The following AFG2B variants were observed in gnomAD, a reference collection of about 807,000 sequenced individuals.
The protein encoded by AFG2B is AAA ATPase AFG2B.
At chr15:45,414,719 C>T in the AFG2B span, 1 of 1,614,148 alleles carries the variant, frequency 6.2e-7, no homozygotes, top group Non-Finnish European at 8.5e-7. Context: ...TCTTTCGTTT[C>T]AGTGAGTGGA....
chr15:45,421,197 T>C, the AFG2B span: 1 of 1,600,962 alleles, frequency 6.2e-7, no homozygotes, highest in Non-Finnish European at 8.5e-7. Flanking sequence ...TTTTCTAACG[T>C]GGAAGGTATT....
the AFG2B span, chr15:45,402,439 G>C: frequency 4.4e-6 from 7 of 1,603,066 alleles, no homozygotes; most frequent in Non-Finnish European, 6.0e-6. Flanking sequence ...GATGGCTCCG[G>C]ACTCGGATCC....
the AFG2B span, among the ~76,000 whole-genome samples, chr15:45,404,535 G>C: frequency 2.0e-5 from 3 of 152,080 alleles, no homozygotes; most frequent in Non-Finnish European, 2.9e-5. Flanking sequence ...GGCCGGGCGC[G>C]GTGGCTCACG....
the AFG2B span, chr15:45,407,289 C>G: frequency 3.5e-6 from 4 of 1,142,760 alleles, no homozygotes; most frequent in African/African-American, 4.9e-5. Context: ...CTCCCTGTAC[C>G]AGGGCAGATA....
chr15:45,402,540 C>G, the AFG2B span: 1 of 1,593,858 alleles, frequency 6.3e-7, no homozygotes, highest in Non-Finnish European at 8.5e-7. Flanking sequence ...CCGCCCTCCA[C>G]GCCCTGGGCG....
the AFG2B span, chr15:45,407,296 G>A: frequency 9.1e-7 from 1 of 1,096,154 alleles, no homozygotes. Flanking sequence ...TACCAGGGCA[G>A]ATAAGGGATA....
the AFG2B span, chr15:45,417,483 C>G: frequency 6.9e-7 from 1 of 1,453,460 alleles, no homozygotes; most frequent in Non-Finnish European, 9.3e-7. Flanking sequence ...GTTCTACTTA[C>G]CCTGGGTTCC....
At chr15:45,402,586 G>A in the AFG2B span, 76 of 1,571,204 alleles carry the variant, frequency 4.8e-5, no homozygotes, top group Non-Finnish European at 6.2e-5. Context: ...CTCGCTACCC[G>A]ACGGCGGCTC....
the AFG2B span, chr15:45,415,506 A>G: frequency 7.6e-7 from 1 of 1,315,506 alleles, no homozygotes. Flanking sequence ...AAAAAAAAAA[A>G]AAAAAACAGG....
the AFG2B span, chr15:45,405,589 C>A: frequency 1.5e-6 from 2 of 1,340,804 alleles, no homozygotes; most frequent in East Asian, 2.4e-5. Flanking sequence ...GCGGTGAGTA[C>A]ATTTTCCTTA....
the AFG2B span, chr15:45,410,660 A>G: frequency 2.0e-5 from 17 of 863,204 alleles, no homozygotes; most frequent in African/African-American, 1.9e-4. Context: ...TCTAAATCCA[A>G]TGATTGCTTT....
At chr15:45,410,196 G>A in the AFG2B span, among the ~76,000 whole-genome samples, 1 of 152,146 alleles carries the variant, frequency 6.6e-6, no homozygotes, top group Admixed American at 6.5e-5. Flanking sequence ...AAGAATTACT[G>A]GCAGGAATTG....
chr15:45,412,857 CA>C, the AFG2B span, among the ~76,000 whole-genome samples: 1 of 152,296 alleles, frequency 6.6e-6, no homozygotes, highest in Non-Finnish European at 1.5e-5. Context: ...ACCTGCGTTA[CA>C]GTTTCAGAAA....
chr15:45,421,011 G>C, the AFG2B span: 1 of 1,595,414 alleles, frequency 6.3e-7, no homozygotes, highest in Middle Eastern at 1.7e-4. Flanking sequence ...AAAAGCAAAA[G>C]AAATTGTTTT....
chr15:45,408,767 C>A, the AFG2B span, among the ~76,000 whole-genome samples: 1 of 152,208 alleles, frequency 6.6e-6, no homozygotes, highest in Admixed American at 6.5e-5. Context: ...CACCTGTAGT[C>A]CCAGCTGCTC....
chr15:45,418,343 CAAA>C, the AFG2B span, among the ~76,000 whole-genome samples: 9 of 52,540 alleles, frequency 1.7e-4, no homozygotes, highest in African/African-American at 1.2e-4. Flanking sequence ...GACTCCATCT[CAAA>C]AAAAAAAAAA....
the AFG2B span, among the ~76,000 whole-genome samples, chr15:45,406,010 C>T: frequency 2.0e-5 from 3 of 152,000 alleles, no homozygotes; most frequent in African/African-American, 7.3e-5. Context: ...CCATGATGCC[C>T]CTTTACCCGC....
At chr15:45,402,670 C>A in the AFG2B span, 1 of 1,577,810 alleles carries the variant, frequency 6.3e-7, no homozygotes, top group African/African-American at 1.4e-5. Context: ...GTGCGCGAGC[C>A]CCGGGGCGGC....
chr15:45,418,558 G>A, the AFG2B span: 846 of 1,591,414 alleles, frequency 5.3e-4, 1 homozygote, highest in Admixed American at 1.1e-3. Context: ...TTGTTCCAGG[G>A]CAGGCTTTCT....
Sources: allele counts gnomAD v4.1 joint callset (sites outside exome capture counted in the v4.1 genomes callset), GRCh38; gene constraint gnomAD v4.1.1; transcripts MANE v1.5; gene names NCBI Gene and HGNC (gene_info 2026-07-23, HGNC 2026-07-21).